CHUK: variants seen among roughly 807,000 people sequenced by gnomAD.
CHUK encodes the protein inhibitor of nuclear factor kappa-B kinase subunit alpha.
A neutral mutation model predicts 104.8 loss-of-function variants in CHUK; 35 were observed. That is an observed-to-expected ratio of 0.33 (90% CI 0.26 to 0.44). CHUK has a LOEUF of 0.44. Ranked by LOEUF, CHUK falls within the 20% of genes least tolerant of loss-of-function variation. The pLI, the probability that CHUK is intolerant of heterozygous loss-of-function variation, is 1.00. For missense variants in CHUK, 663 were observed against 902.7 expected, an observed-to-expected ratio of 0.73 and a Z score of 3.40; for synonymous variants, 276 against 291.9, an observed-to-expected ratio of 0.95 and a Z score of 0.56.
At chr10:100,204,748 C>T in intron 12 of CHUK, 91 bp from the exon 13 acceptor site, 2 of 1,086,822 alleles carry the variant, frequency 1.8e-6, no homozygotes, top group Non-Finnish European at 2.7e-6. Flanking sequence ...TAAACTGCCA[C>T]AAGGCCAAAG....
intron 9 of CHUK, among the ~76,000 whole-genome samples, chr10:100,210,997 C>T (rs1246921852): frequency 6.6e-6 from 1 of 152,248 alleles, no homozygotes; most frequent in Non-Finnish European, 1.5e-5. Flanking sequence ...TTCTCCATGC[C>T]TTACATTGAC....
intron 11 of CHUK, 24 bp from the exon 12 acceptor site, chr10:100,205,223 A>G (rs1173099906): frequency 1.2e-6 from 2 of 1,611,060 alleles, no homozygotes; most frequent in Non-Finnish European, 1.7e-6. Flanking sequence ...GATGAGAAAA[A>G]GGGCAAGGGA....
chr10:100,224,692 C>T lies in CHUK; in HGVS notation c.200+1231G>A, dbSNP rs137977864. Among the ~76,000 whole-genome samples the T allele has an allele frequency of 1.5e-3, 229 of 152,164 alleles. 4 individuals are homozygous for T. In the East Asian group the frequency reaches 0.039, roughly 26 times the overall value. On this transcript the variant is annotated intron_variant, in intron 2 of 20. Coordinates refer to ENST00000370397, the MANE Select transcript of CHUK (RefSeq NM_001278.5). ...CCTCAGGTAATCCATCCGCCTTGGCCTCCCAAAGTGCTGGGATTATAGGTG... is the reference window on the plus strand; with the variant it reads ...CCTCAGGTAATCCATCCGCCTTGGCTTCCCAAAGTGCTGGGATTATAGGTG...
intron 9 of CHUK, among the ~76,000 whole-genome samples, chr10:100,213,230 C>G (rs543531879): frequency 1.3e-5 from 2 of 152,110 alleles, no homozygotes; most frequent in East Asian, 3.9e-4. Context: ...CCTGTAATCC[C>G]AGCCCTTTGG....
At chr10:100,226,268 T>C (rs1278490786) in intron 1 of CHUK, among the ~76,000 whole-genome samples, 1 of 152,038 alleles carries the variant, frequency 6.6e-6, no homozygotes, top group Non-Finnish European at 1.5e-5. Flanking sequence ...TTATAACAGG[T>C]CTTTTCAGAA....
chr10:100,202,585 C>A (rs1208010800), intron 13 of CHUK, among the ~76,000 whole-genome samples: 1 of 152,162 alleles, frequency 6.6e-6, no homozygotes, highest in African/African-American at 2.4e-5. Flanking sequence ...GCCCTGCCAA[C>A]ACCTCAATTT....
chr10:100,222,056 C>A (rs796981561), intron 4 of CHUK, 56 bp downstream of exon 4: 21 of 909,438 alleles, frequency 2.3e-5, no homozygotes, highest in Admixed American at 7.1e-5. Flanking sequence ...CCAAAAAGAT[C>A]TTTTATGGGC....
intron 1 of CHUK, among the ~76,000 whole-genome samples, chr10:100,227,277 G>A (rs1033076996): frequency 3.3e-5 from 5 of 152,100 alleles, no homozygotes; most frequent in East Asian, 1.9e-4. Context: ...CAAAAAAGTC[G>A]GAATATTCTG....
intron 3 of CHUK, 44 bp from the exon 4 acceptor site, chr10:100,222,225 G>T: frequency 9.6e-7 from 1 of 1,043,290 alleles, no homozygotes; most frequent in Non-Finnish European, 1.5e-6. Context: ...GCAAATTGCT[G>T]GGCTGCAATA....
intron 20 of CHUK, 26 bp downstream of exon 20, chr10:100,190,843 G>A (rs779268618): frequency 7.6e-7 from 1 of 1,323,172 alleles, no homozygotes; most frequent in Non-Finnish European, 1.1e-6. Context: ...AGCCAAAGCA[G>A]GCACCCATAT....
rs1368662105 is a variant in CHUK at position 100,218,006 on chromosome 10, A to G, written c.922T>C (p.Leu308=). The G allele has an allele frequency of 1.2e-6, 2 of 1,614,024 alleles. No homozygotes were observed. Among genetic ancestry groups the G allele is most frequent in the African/African-American group, 2.7e-5 (2 of 74,934 alleles). ...PRCFVLMDHI[L]NLKIVHILNM... ...CCATTAAGACTAACCTTCAAATTCAAAATGTGATCCATTAATACAAAACAT... is the reference window on the plus strand; with the variant it reads ...CCATTAAGACTAACCTTCAAATTCAGAATGTGATCCATTAATACAAAACAT... The change falls in exon 9 of 21, where the codon TTG becomes CTG. Residue 308 remains leucine, a synonymous_variant. Coordinates refer to ENST00000370397, the MANE Select transcript of CHUK (RefSeq NM_001278.5).
Position 100,205,127 on chromosome 10 carries a change from G to C in CHUK, c.1304C>G (p.Ser435Cys). Residue 435 changes from serine to cysteine, a missense_variant, in exon 12 of 21, where the codon TCT (serine) becomes TGT (cysteine). By Grantham distance (112) the Ser-to-Cys change is moderately radical. Transcript: ENST00000370397. Reference sequence around the variant, plus strand: ...CCTGCTATAGTCTTCTTTTAGTCCAGACACATAGTGCACTGCTTCAGCCCA... The same window carrying C: ...CCTGCTATAGTCTTCTTTTAGTCCACACACATAGTGCACTGCTTCAGCCCA... ...KVWAEAVHYV[S>C]GLKEDYSRLF... 1.2e-6 allele frequency: 2 copies of C among 1,614,036 alleles called. No homozygotes were observed. Among genetic ancestry groups the C allele is most frequent in the South Asian group, 1.1e-5 (1 of 91,082 alleles).
At chr10:100,223,915 G>T (rs1248417740) in intron 2 of CHUK, among the ~76,000 whole-genome samples, 1 of 152,212 alleles carries the variant, frequency 6.6e-6, no homozygotes, top group Non-Finnish European at 1.5e-5. Context: ...ACCTGTGGAA[G>T]TTTTAAAATA....
In CHUK at chr10:100,200,794, A is replaced by C. The variant is rs772743813; in HGVS notation, c.1570-14T>G. ...AATGACACCAACCTAAAATATGATG[A>C]AAATACAAAGGAAATGAAAGGCTTA... On this transcript the variant is annotated splice_polypyrimidine_tract_variant and intron_variant, in intron 14 of 20. Transcript: ENST00000370397. The C allele has an allele frequency of 3.1e-5, 43 of 1,402,676 alleles. No homozygotes were observed. The Middle Eastern group carries it at 7.0e-4, about 23-fold the overall frequency. The allele number at this position is 1,402,676 out of a possible 1,614,324, so 86.9% of individuals were successfully genotyped here.
chr10:100,211,579 G>C lies in CHUK; in HGVS notation c.934-1790C>G, dbSNP rs139914714. On this transcript the variant is annotated intron_variant, in intron 9 of 20. Transcript: ENST00000370397. ...AGATTCCACATGTAAGTGAGATCACGCAGTATTTCTCTTTCTGTGACTTGC... is the reference window on the plus strand; with the variant it reads ...AGATTCCACATGTAAGTGAGATCACCCAGTATTTCTCTTTCTGTGACTTGC... Among the ~76,000 whole-genome samples the C allele has an allele frequency of 4.9e-4, 75 of 152,278 alleles. 1 individual carries two copies. The East Asian group carries it at 0.014, about 29-fold the overall frequency.
chr10:100,199,197 C>T (rs1420516462), intron 16 of CHUK, among the ~76,000 whole-genome samples: 1 of 152,212 alleles, frequency 6.6e-6, no homozygotes, highest in African/African-American at 2.4e-5. Flanking sequence ...CAAAACAAGT[C>T]ATCAGTGACC....
intron 19 of CHUK, among the ~76,000 whole-genome samples, 194 bp from the exon 20 acceptor site, chr10:100,191,162 G>A (rs1845192700): frequency 6.6e-6 from 1 of 152,286 alleles, no homozygotes; most frequent in East Asian, 1.9e-4. Flanking sequence ...CCAGGCTGCT[G>A]CCTCTACCTC....
At chr10:100,210,091 ATTTTTTTT>A (rs11436816) in intron 9 of CHUK, among the ~76,000 whole-genome samples, 49 of 121,802 alleles carry the variant, frequency 4.0e-4, no homozygotes, top group Non-Finnish European at 7.3e-4. Flanking sequence ...TTATTTATTT[ATTTTTTTT>A]TTTTTTGAGA....
At chr10:100,194,239 G>T in intron 17 of CHUK, 108 bp from the exon 18 acceptor site, 1 of 1,305,922 alleles carries the variant, frequency 7.7e-7, no homozygotes, top group Non-Finnish European at 1.1e-6. Context: ...CAGATTTAAT[G>T]ACTTATCTCC....
Sources: gnomAD v4.1 joint callset for allele counts (sites outside exome capture counted in the v4.1 genomes callset) on GRCh38, gnomAD v4.1.1 for gene constraint, MANE v1.5 for transcripts, NCBI Gene and HGNC (gene_info 2026-07-23, HGNC 2026-07-21) for gene names.